EFNB1: variants seen among roughly 807,000 people sequenced by gnomAD.
EFNB1 encodes ephrin B1, also known as ephrin-B1.
A neutral mutation model predicts 18.1 loss-of-function variants in EFNB1; 1 was observed. The ratio of observed to expected loss-of-function variants is 0.06; its 90% CI spans 0.02 to 0.26. EFNB1 has a LOEUF of 0.26. Among genes scored for constraint, EFNB1 ranks in the 10% least tolerant of loss-of-function variants. The probability of loss-of-function intolerance (pLI) is 1.00; values close to 1 mark genes in which losing one functional copy is unlikely to be tolerated. For missense variants in EFNB1, 221 were observed against 301.8 expected (o/e 0.73, Z 1.98); for synonymous variants, 131 against 127.5 (o/e 1.03, Z -0.19).
intron 1 of EFNB1, among the ~76,000 whole-genome samples, 187 bp from the exon 2 acceptor site, chrX:68,838,430 C>T (rs1171615537): frequency 9.0e-6 from 1 of 111,527 alleles, no homozygotes; most frequent in Non-Finnish European, 1.9e-5. Context: ...GCCACCCCTT[C>T]CACACTCTCC....
chrX:68,835,148 T>C (rs2080457266), intron 1 of EFNB1, among the ~76,000 whole-genome samples: 1 of 111,065 alleles, frequency 9.0e-6, no homozygotes, highest in Non-Finnish European at 1.9e-5. Flanking sequence ...AGAGCTGGAA[T>C]AGCTTAGGCC....
At chrX:68,838,946 C>A in intron 2 of EFNB1, 52 bp downstream of exon 2, 1 of 1,164,974 alleles carries the variant, frequency 8.6e-7, no homozygotes, top group Middle Eastern at 2.5e-4. Context: ...TTAACTCTTT[C>A]CTCTCCTGTA....
intron 2 of EFNB1, among the ~76,000 whole-genome samples, 188 bp downstream of exon 2, chrX:68,839,082 A>G (rs1455144978): frequency 8.9e-6 from 1 of 112,228 alleles, no homozygotes; most frequent in Non-Finnish European, 1.9e-5. Flanking sequence ...CCCAACATTT[A>G]CCAAGCTCAC....
chrX:68,829,781 C>T lies in EFNB1; in HGVS notation c.5C>T (p.Ala2Val), dbSNP rs748401151. 1 of 1,192,015 alleles carries T rather than the reference C, an allele frequency of 8.4e-7. No individual in the cohort carries two copies. Among genetic ancestry groups the T allele is most frequent in the South Asian group, 1.8e-5 (1 of 54,204 alleles). The change falls in exon 1 of 5, where the codon GCT becomes GTT. Residue 2 changes from alanine to valine, a missense_variant. Ala to Val is a moderately conservative substitution (Grantham distance 64, BLOSUM62 0). Transcript: ENST00000204961. M[A>V]RPGQRWLGKW... is the part of the protein sequence containing the mutation. ...GTGCAGTCTGCCCCCGGGAAGATGG[C>T]TCGGCCTGGGCAGCGTTGGCTCGGC...
intron 1 of EFNB1, among the ~76,000 whole-genome samples, chrX:68,830,798 G>A (rs764905478): frequency 8.9e-6 from 1 of 112,727 alleles, no homozygotes; most frequent in Admixed American, 9.3e-5. Flanking sequence ...GGGTTGGGGC[G>A]GGGAGTGGGC....
chrX:68,829,982 T>G, intron 1 of EFNB1, 78 bp downstream of exon 1: 3 of 1,111,446 alleles, frequency 2.7e-6, no homozygotes, highest in Non-Finnish European at 3.6e-6. Context: ...GGAGTGCATG[T>G]GGGGAGGTCT....
chrX:68,829,220 T>C lies in EFNB1; in HGVS notation c.-557T>C. ...TAAGTACACTGAGCAGGGCCCGCGC[T>C]GAAGTAGAAGCTGTCCGGGGGCGCG... is the stretch of plus-strand genomic sequence containing the variant. On this transcript the variant is annotated 5_prime_UTR_variant, in exon 1 of 5. It removes the in-frame stop codon of an upstream open reading frame in the 5' UTR. Transcript: ENST00000204961. 7.2e-6 allele frequency: 1 copy of C among 138,993 alleles called. No individual in the cohort carries two copies. The highest frequency in any genetic ancestry group is 2.4e-4 in the East Asian group (1 of 4,231). 11.5% of individuals were successfully genotyped at this position (138,993 alleles called of 1,213,427 possible).
intron 3 of EFNB1, 82 bp from the exon 4 acceptor site, chrX:68,839,878 C>A: frequency 8.3e-7 from 1 of 1,198,789 alleles, no homozygotes; most frequent in East Asian, 3.0e-5. Context: ...GTATCCAGGC[C>A]ATTCTTGGCC....
At chrX:68,839,888 C>T in intron 3 of EFNB1, 72 bp from the exon 4 acceptor site, 1 of 1,205,280 alleles carries the variant, frequency 8.3e-7, no homozygotes, top group Admixed American at 2.2e-5. Context: ...CATTCTTGGC[C>T]CACCCTTGAT....
intron 1 of EFNB1, among the ~76,000 whole-genome samples, chrX:68,831,019 AG>A (rs2080443759): frequency 9.0e-6 from 1 of 111,285 alleles, no homozygotes; most frequent in African/African-American, 3.3e-5. Context: ...GTTGGAACCA[AG>A]GGTCAAAATT....
chrX:68,834,306 C>T (rs2080454787), intron 1 of EFNB1, among the ~76,000 whole-genome samples: 1 of 112,804 alleles, frequency 8.9e-6, no homozygotes, highest in Admixed American at 9.3e-5. Flanking sequence ...TCTCTCTTCT[C>T]AGGGACCCCA....
intron 1 of EFNB1, among the ~76,000 whole-genome samples, chrX:68,833,350 C>G (rs959257100): frequency 9.8e-5 from 11 of 112,076 alleles, no homozygotes; most frequent in African/African-American, 3.6e-4. Context: ...TCCCCTGTTC[C>G]CCTGCCTCCC....
In EFNB1 at chrX:68,840,832, T is replaced by C. The variant is rs1275637753; in HGVS notation, c.*178T>C. The C allele has an allele frequency of 2.8e-5, 15 of 529,875 alleles. No individual in the cohort carries two copies. The highest frequency in any genetic ancestry group is 4.0e-5 in the Non-Finnish European group (13 of 321,697). The allele number at this position is 529,875 out of a possible 1,213,427, so 43.7% of individuals were successfully genotyped here. On this transcript the variant is annotated 3_prime_UTR_variant, in exon 5 of 5. Transcript: ENST00000204961. ...CCTGGGCTTCGGAGGGGGGTGCTTG[T>C]GCCCCTAACCCCCATGCTCTTGTGC...
chrX:68,838,824 C>T lies in EFNB1; in HGVS notation c.336C>T (p.Ile112=). Residue 112 remains isoleucine, a synonymous_variant, in exon 2 of 5, where the codon ATC becomes ATT. Coordinates refer to ENST00000204961, the MANE Select transcript of EFNB1 (RefSeq NM_004429.5). The part of the protein sequence containing the change: ...NRPEQEIRFT[I]KFQEFSPNYM... ...CAGAGCAGGAAATACGCTTTACCAT[C>T]AAGTTCCAGGAGTTCAGCCCCAACT... 8.3e-7 allele frequency: 1 copy of T among 1,205,768 alleles called. No individual in the cohort carries two copies. Among genetic ancestry groups the T allele is most frequent in the Non-Finnish European group, 1.1e-6 (1 of 892,304 alleles).
chrX:68,833,218 C>T (rs770038364), intron 1 of EFNB1, among the ~76,000 whole-genome samples: 1 of 111,469 alleles, frequency 9.0e-6, no homozygotes, highest in Non-Finnish European at 1.9e-5. Flanking sequence ...GCTCACAGTC[C>T]TGGGGAGGCC....
chrX:68,829,935 GT>G (rs2080439966), intron 1 of EFNB1, 31 bp downstream of exon 1: 1 of 1,166,152 alleles, frequency 8.6e-7, no homozygotes, highest in Admixed American at 2.6e-5. Context: ...GGACGCTGGG[GT>G]GGGAGGCACT....
chrX:68,835,528 C>T (rs749354306), intron 1 of EFNB1, among the ~76,000 whole-genome samples: 64 of 111,342 alleles, frequency 5.7e-4, no homozygotes, highest in Non-Finnish European at 9.4e-4. Flanking sequence ...GCTATACACC[C>T]ATCCCTTATG....
intron 1 of EFNB1, among the ~76,000 whole-genome samples, chrX:68,836,732 G>A (rs193271699): frequency 1.2e-3 from 137 of 112,260 alleles, no homozygotes; most frequent in African/African-American, 4.3e-3. Context: ...GCATGACACT[G>A]TCAGCTTCAT....
chrX:68,832,807 T>TGC (rs1335455512), intron 1 of EFNB1, among the ~76,000 whole-genome samples: 4 of 75,966 alleles, frequency 5.3e-5, no homozygotes, highest in African/African-American at 1.0e-4. Flanking sequence ...AACCTCTGTG[T>TGC]GTGCGTGTGT....
Sources: gnomAD v4.1 joint callset for allele counts (sites outside exome capture counted in the v4.1 genomes callset) on GRCh38, gnomAD v4.1.1 for gene constraint, MANE v1.5 for transcripts, NCBI Gene and HGNC (gene_info 2026-07-23, HGNC 2026-07-21) for gene names.